The following WWOX variants were observed in gnomAD, a reference collection of about 807,000 sequenced individuals.
The protein encoded by WWOX is WW domain-containing oxidoreductase.
In WWOX, 69 loss-of-function variants were observed where a neutral mutation model predicts 46.2. The observed-to-expected ratio is 1.49, with a 90% CI of 1.23 to 1.82. The LOEUF is 1.82. WWOX is among the 40% of genes most tolerant of loss of function. The pLI, the probability that WWOX is intolerant of heterozygous loss-of-function variation, is 0.00. For missense variants in WWOX, 919 were observed against 542.6 expected, an observed-to-expected ratio of 1.69 and a Z score of -6.89; for synonymous variants, 359 against 202.6, an observed-to-expected ratio of 1.77 and a Z score of -6.56.
At chr16:78,571,599 T>C (rs1409593449) in intron 8 of WWOX, among the ~76,000 whole-genome samples, 1 of 152,186 alleles carries the variant, frequency 6.6e-6, no homozygotes, top group Non-Finnish European at 1.5e-5. Flanking sequence ...CTGGGTGCAG[T>C]GGCTCACACC....
chr16:79,095,780 A>G (rs2049055225), intron 8 of WWOX, among the ~76,000 whole-genome samples: 1 of 152,008 alleles, frequency 6.6e-6, no homozygotes, highest in Non-Finnish European at 1.5e-5. Context: ...TACAGACCTC[A>G]GAAAGCCGAC....
At chr16:78,697,995 C>G in intron 8 of WWOX, among the ~76,000 whole-genome samples, 1 of 152,236 alleles carries the variant, frequency 6.6e-6, no homozygotes, top group African/African-American at 2.4e-5. Context: ...AGTTGCTATA[C>G]TGTTTTAGTA....
At chr16:78,873,624 A>T (rs2044173627) in intron 8 of WWOX, 1 of 151,920 alleles carries the variant, frequency 6.6e-6, no homozygotes, top group Non-Finnish European at 1.5e-5. Flanking sequence ...TCATCTCTAT[A>T]AAATATTTTT....
chr16:78,202,980 T>C (rs2036280453), intron 5 of WWOX, among the ~76,000 whole-genome samples: 2 of 152,236 alleles, frequency 1.3e-5, no homozygotes, highest in South Asian at 4.1e-4. Flanking sequence ...TACCAGTTCC[T>C]GCACAGGCTG....
chr16:79,164,305 C>T (rs1485304090), intron 8 of WWOX, among the ~76,000 whole-genome samples: 1 of 152,144 alleles, frequency 6.6e-6, no homozygotes, highest in Non-Finnish European at 1.5e-5. Flanking sequence ...TGAAATGTTG[C>T]TGGTTAACCA....
At chr16:79,148,176 TA>T (rs746371557) in intron 8 of WWOX, among the ~76,000 whole-genome samples, 20 of 152,216 alleles carry the variant, frequency 1.3e-4, no homozygotes, top group Non-Finnish European at 2.1e-4. Context: ...TAATTTCTAA[TA>T]TTTTTTTCCT....
intron 8 of WWOX, among the ~76,000 whole-genome samples, chr16:78,905,722 C>G (rs1334603685): frequency 2.6e-5 from 4 of 152,260 alleles, no homozygotes; most frequent in South Asian, 4.1e-4. Context: ...CATGAACTCC[C>G]TTTTATGATA....
At chr16:78,213,250 CAAAAA>C (rs3041524) in intron 5 of WWOX, among the ~76,000 whole-genome samples, 1 of 97,094 alleles carries the variant, frequency 1.0e-5, no homozygotes, top group Non-Finnish European at 2.1e-5. Flanking sequence ...GACTGTATCT[CAAAAA>C]AAAAAAAAAA....
intron 8 of WWOX, among the ~76,000 whole-genome samples, chr16:79,073,642 C>G (rs555981302): frequency 2.0e-5 from 3 of 152,202 alleles, no homozygotes; most frequent in Admixed American, 2.0e-4. Context: ...TAATAAAATA[C>G]CTAATTTTCA....
chr16:78,914,873 C>T (rs866099545), intron 8 of WWOX, among the ~76,000 whole-genome samples: 4 of 133,030 alleles, frequency 3.0e-5, no homozygotes, highest in South Asian at 2.7e-4. Flanking sequence ...AGCGAGACTC[C>T]GCCTCAGAAA....
intron 8 of WWOX, among the ~76,000 whole-genome samples, chr16:79,110,136 A>G (rs142172214): frequency 1.9e-4 from 29 of 152,258 alleles, no homozygotes; most frequent in African/African-American, 6.7e-4. Context: ...AGCGACTCCT[A>G]TGGCTGTTTG....
intron 8 of WWOX, among the ~76,000 whole-genome samples, chr16:78,702,435 G>C (rs1002100531): frequency 6.6e-6 from 1 of 151,944 alleles, no homozygotes; most frequent in Admixed American, 6.6e-5. Flanking sequence ...CAGATCCCAT[G>C]AGGTCAGGAG....
At chr16:78,710,602 C>A (rs899066933) in intron 8 of WWOX, among the ~76,000 whole-genome samples, 2 of 144,408 alleles carry the variant, frequency 1.4e-5, no homozygotes, top group Non-Finnish European at 3.0e-5. Flanking sequence ...TAAATATATA[C>A]ATATATGTGT....
chr16:79,095,556 G>A (rs1026053773), intron 8 of WWOX, among the ~76,000 whole-genome samples: 1 of 152,110 alleles, frequency 6.6e-6, no homozygotes, highest in African/African-American at 2.4e-5. Context: ...CGGGGGAGCT[G>A]ACATTGCATA....
chr16:79,209,064 C>T (rs534532334), intron 8 of WWOX, among the ~76,000 whole-genome samples: 31 of 152,278 alleles, frequency 2.0e-4, no homozygotes, highest in African/African-American at 7.2e-4. Flanking sequence ...AAAGCCAGAG[C>T]CACTTGTGAT....
chr16:78,543,593 A>G (rs2043953437), intron 8 of WWOX, among the ~76,000 whole-genome samples: 1 of 152,208 alleles, frequency 6.6e-6, no homozygotes, highest in African/African-American at 2.4e-5. Context: ...AGCATACCAT[A>G]TGCTGAAAGA....
chr16:78,455,515 T>C (rs2083793295), intron 8 of WWOX, among the ~76,000 whole-genome samples: 1 of 151,568 alleles, frequency 6.6e-6, no homozygotes, highest in African/African-American at 2.4e-5. Context: ...TGGTAGTGTG[T>C]GCCTGTAGTC....
At chr16:78,379,403 A>G (rs1377178684) in intron 5 of WWOX, among the ~76,000 whole-genome samples, 1 of 152,096 alleles carries the variant, frequency 6.6e-6, no homozygotes, top group Non-Finnish European at 1.5e-5. Context: ...TCCAGATACA[A>G]TGGAGGCCAC....
In WWOX at chr16:78,779,648, A is replaced by G. The variant is rs532624891; in HGVS notation, c.1056+346896A>G. 5.3e-5 allele frequency among the ~76,000 whole-genome samples: 8 copies of G among 152,332 alleles called. No individual in the cohort carries two copies. In the East Asian group the frequency reaches 1.5e-3, roughly 29 times the overall value. ...ATTGAAGCTCAGGGAATCGTAGCAG[A>G]GGGCCCCAGTTCACACTGCTGATCA... On this transcript the variant is annotated intron_variant, in intron 8 of 8. Transcript: ENST00000566780.
Sources: allele counts gnomAD v4.1 joint callset (sites outside exome capture counted in the v4.1 genomes callset), GRCh38; gene constraint gnomAD v4.1.1; transcripts MANE v1.5; gene names NCBI Gene and HGNC (gene_info 2026-07-23, HGNC 2026-07-21).